TLN2: variants seen among roughly 807,000 people sequenced by gnomAD.
The protein encoded by TLN2 is talin-2.
TLN2 carries 118 observed loss-of-function variants against 294.7 expected under a neutral mutation model. The ratio of observed to expected loss-of-function variants is 0.40; its 90% CI spans 0.34 to 0.47. TLN2 has a LOEUF of 0.47. TLN2 is among the 20% of genes least tolerant of loss of function. The pLI is 0.84. For missense variants in TLN2, 3,083 were observed against 3,282.2 expected (o/e 0.94, Z 1.48); for synonymous variants, 1,431 against 1,304.5 (o/e 1.10, Z -2.09).
chr15:62,504,662 T>C (rs2039490209), intron 1 of TLN2, among the ~76,000 whole-genome samples: 1 of 152,204 alleles, frequency 6.6e-6, no homozygotes. Context: ...TTACACCACA[T>C]ACAAAAATTA....
At chr15:62,651,970 C>A (rs370819136) in intron 5 of TLN2, 35 bp from the exon 6 acceptor site, 1 of 1,535,108 alleles carries the variant, frequency 6.5e-7, no homozygotes, top group Non-Finnish European at 8.8e-7. Context: ...ATTTTCCCCA[C>A]ACAGTGTGAA....
In TLN2 at chr15:62,652,065, G is replaced by A; in HGVS notation, c.295G>A (p.Val99Met). 1 of 1,612,080 alleles carries A rather than the reference G, an allele frequency of 6.2e-7. No homozygotes were observed. The highest frequency in any genetic ancestry group is 2.2e-5 in the East Asian group (1 of 44,886). Reference sequence around the variant, plus strand: ...GAAAATCCGGATGCTGGATGGATCTGTGAAGACAGTGATGGTGGATGATTC... The same window carrying A: ...GAAAATCCGGATGCTGGATGGATCTATGAAGACAGTGATGGTGGATGATTC... ...PQKIRMLDGS[V>M]KTVMVDDSKT... The change falls in exon 6 of 59, where the codon GTG becomes ATG. Residue 99 changes from valine (V) to methionine (M), a missense_variant. Coordinates refer to ENST00000636159, the MANE Select transcript of TLN2 (RefSeq NM_015059.3).
chr15:62,700,580 A>C (rs1325539829), intron 16 of TLN2, among the ~76,000 whole-genome samples: 2 of 152,150 alleles, frequency 1.3e-5, no homozygotes, highest in Non-Finnish European at 2.9e-5. Context: ...CCCTCATCTT[A>C]CCAGGAAAGG....
At chr15:62,456,619 T>C (rs899559260) in intron 1 of TLN2, among the ~76,000 whole-genome samples, 12 of 152,352 alleles carry the variant, frequency 7.9e-5, no homozygotes, top group Middle Eastern at 3.4e-3. Context: ...GTGACACTTA[T>C]CAGGGCCTGT....
At chr15:62,741,998 C>G (rs903884622) in intron 32 of TLN2, among the ~76,000 whole-genome samples, 1 of 4,390 alleles carries the variant, frequency 2.3e-4, no homozygotes, top group Non-Finnish European at 7.0e-3. Context: ...CCAAACATGT[C>G]CTTCCTCCCT....
chr15:62,696,327 A>G (rs2058331938), intron 14 of TLN2, among the ~76,000 whole-genome samples: 1 of 152,212 alleles, frequency 6.6e-6, no homozygotes, highest in Non-Finnish European at 1.5e-5. Context: ...CTTCTGAGGA[A>G]CATATGCCAC....
intron 9 of TLN2, among the ~76,000 whole-genome samples, chr15:62,667,115 A>G (rs62004577): frequency 0.016 from 2,366 of 152,044 alleles, 31 homozygotes; most frequent in Non-Finnish European, 0.022. Context: ...ACAGGCGCCC[A>G]CCACCACGCC....
Position 62,752,398 on chromosome 15 carries a change from C to T in TLN2, c.4303C>T (p.Leu1435Phe), listed in dbSNP as rs1382276158. The T allele has an allele frequency of 1.2e-6, 2 of 1,614,142 alleles. No homozygotes were observed. Among genetic ancestry groups the T allele is most frequent in the South Asian group, 2.2e-5 (2 of 91,076 alleles). The change falls in exon 35 of 59, where the codon CTC becomes TTC. Residue 1435 changes from leucine to phenylalanine, a missense_variant. Physicochemically the swap from Leu to Phe is conservative, Grantham distance 22. Coordinates refer to ENST00000636159, the MANE Select transcript of TLN2 (RefSeq NM_015059.3). ...GECVGIASKA[L>F]CGLTEAAAQA... ...ATGTGTGGGGATTGCATCCAAGGCT[C>T]TCTGTGGGCTGACAGAGGCTGCAGC...
intron 55 of TLN2, chr15:62,834,486 C>G (rs971621782): frequency 6.6e-6 from 1 of 152,230 alleles, no homozygotes; most frequent in African/African-American, 2.4e-5. Flanking sequence ...GCAGTACAGA[C>G]AGGGAGGTTG....
chr15:62,840,668 G>A lies in TLN2; in HGVS notation c.*58G>A. ...TGGCCCTGGCTGAACTGGACAGACA[G>A]TGTTCCTGAGAGGCTGGGCACTTAG... On this transcript the variant is annotated 3_prime_UTR_variant, in exon 59 of 59. Transcript: ENST00000636159. 1.3e-6 allele frequency: 2 copies of A among 1,569,710 alleles called. No individual in the cohort carries two copies. The highest frequency in any genetic ancestry group is 1.4e-5 in the African/African-American group (1 of 73,156).
chr15:62,763,744 A>C (rs1377435362), intron 40 of TLN2, 49 bp downstream of exon 40: 1 of 1,521,730 alleles, frequency 6.6e-7, no homozygotes, highest in Non-Finnish European at 8.9e-7. Context: ...GATATGTTGA[A>C]AAACCTTAGC....
intron 3 of TLN2, among the ~76,000 whole-genome samples, chr15:62,626,891 G>A (rs1169319972): frequency 6.6e-6 from 1 of 152,224 alleles, no homozygotes; most frequent in South Asian, 2.1e-4. Flanking sequence ...GACACAGAGG[G>A]AAGAAACTTG....
intron 45 of TLN2, among the ~76,000 whole-genome samples, chr15:62,788,825 C>T (rs1251886374): frequency 6.6e-6 from 1 of 152,180 alleles, no homozygotes; most frequent in African/African-American, 2.4e-5. Context: ...GCACTTTCAT[C>T]TTTTTGAGAT....
intron 35 of TLN2, among the ~76,000 whole-genome samples, chr15:62,753,391 T>G (rs1019561218): frequency 6.6e-6 from 1 of 152,170 alleles, no homozygotes; most frequent in East Asian, 1.9e-4. Flanking sequence ...ACCCACTGTT[T>G]TGTGCCTCTC....
At chr15:62,648,500 C>G (rs868560609) in intron 4 of TLN2, among the ~76,000 whole-genome samples, 1 of 145,704 alleles carries the variant, frequency 6.9e-6, no homozygotes, top group Non-Finnish European at 1.5e-5. Flanking sequence ...AGATCTGCTT[C>G]TCATAAAATT....
chr15:62,419,751 G>A (rs1208268680), intron 1 of TLN2, among the ~76,000 whole-genome samples: 4 of 151,772 alleles, frequency 2.6e-5, no homozygotes, highest in Non-Finnish European at 4.4e-5. Flanking sequence ...GTCCTCCTGC[G>A]TCATCCTCCT....
At chr15:62,751,482 T>C (rs2061936937) in intron 34 of TLN2, among the ~76,000 whole-genome samples, 1 of 152,258 alleles carries the variant, frequency 6.6e-6, no homozygotes, top group Non-Finnish European at 1.5e-5. Context: ...TAAACTGGAT[T>C]ATTTTGTATA....
Position 62,656,059 on chromosome 15 carries a change from C to T in TLN2, c.633C>T (p.Pro211=), listed in dbSNP as rs773146860. The T allele has an allele frequency of 6.2e-6, 10 of 1,614,046 alleles. No individual in the cohort carries two copies. In the East Asian group the frequency reaches 1.6e-4, roughly 25 times the overall value. The change falls in exon 8 of 59, where the codon CCC becomes CCT. Residue 211 remains proline (P), a synonymous_variant. Transcript: ENST00000636159. ...ATCAGAATGTAGATTCGAGAGACCCCGTGCAGCTGAACTTGCTTTATGTTC... is the reference window on the plus strand; with the variant it reads ...ATCAGAATGTAGATTCGAGAGACCCTGTGCAGCTGAACTTGCTTTATGTTC... ...YSDQNVDSRD[P]VQLNLLYVQA... is the part of the protein sequence containing the mutation.
At chr15:62,660,117 A>G (rs1023874847) in intron 9 of TLN2, among the ~76,000 whole-genome samples, 1 of 152,194 alleles carries the variant, frequency 6.6e-6, no homozygotes, top group Non-Finnish European at 1.5e-5. Flanking sequence ...TGCAACCCCC[A>G]GAAATTTCAG....
Sources: gnomAD v4.1 joint callset for allele counts (sites outside exome capture counted in the v4.1 genomes callset) on GRCh38, gnomAD v4.1.1 for gene constraint, MANE v1.5 for transcripts, NCBI Gene and HGNC (gene_info 2026-07-23, HGNC 2026-07-21) for gene names.